LPCAT2: variants seen among roughly 807,000 people sequenced by gnomAD.
LPCAT2 encodes the protein lysophosphatidylcholine acyltransferase 2, also known as 1-AGP acyltransferase 11.
A neutral mutation model predicts 64.7 loss-of-function variants in LPCAT2; 58 were observed. The observed-to-expected ratio is 0.90, with a 90% CI of 0.73 to 1.12. The LOEUF (loss-of-function observed/expected upper bound fraction) is 1.12, where lower values mean the gene tolerates loss of function less well. Ranked by LOEUF, LPCAT2 falls within the 50% of genes most tolerant of loss-of-function variation. LPCAT2 has a pLI of 0.00. For missense variants in LPCAT2, 579 were observed against 669.8 expected (o/e 0.86, Z 1.50); for synonymous variants, 252 against 245.3 (o/e 1.03, Z -0.26).
At chr16:55,522,797 CA>C (rs1178505206) in intron 1 of LPCAT2, among the ~76,000 whole-genome samples, 2 of 150,764 alleles carry the variant, frequency 1.3e-5, no homozygotes, top group Non-Finnish European at 3.0e-5. Flanking sequence ...GCATACCACA[CA>C]AAAAAAGTCA....
intron 1 of LPCAT2, among the ~76,000 whole-genome samples, chr16:55,515,982 T>C (rs1963005017): frequency 6.6e-6 from 1 of 152,212 alleles, no homozygotes; most frequent in Non-Finnish European, 1.5e-5. Context: ...CAAAATGTCA[T>C]ATATAAATCC....
At chr16:55,518,604 T>G (rs1454128374) in intron 1 of LPCAT2, among the ~76,000 whole-genome samples, 2 of 152,186 alleles carry the variant, frequency 1.3e-5, no homozygotes, top group African/African-American at 2.4e-5. Context: ...GAAATAGAAT[T>G]GACAATACAG....
At chr16:55,529,102 A>G (rs1333183842) in intron 3 of LPCAT2, among the ~76,000 whole-genome samples, 6 of 152,188 alleles carry the variant, frequency 3.9e-5, no homozygotes, top group African/African-American at 1.4e-4. Context: ...ACTTCCTGCC[A>G]TGAAAAATAA....
chr16:55,509,285 TC>T lies in LPCAT2; in HGVS notation c.105del (p.Phe36SerfsTer40). On this transcript the variant is annotated frameshift_variant, in exon 1 of 14. Transcript: ENST00000262134. LOFTEE classifies it high-confidence loss of function. ...RPPMVPRQASFFPPPVPNPFV... is the reference protein window; with the variant it reads ...RPPMVPRQASXFPPPVPNPFV... ...CCCATGGTGCCCCGTCAGGCGTCCT[TC>T]TTCCCGCCGCCGGTGCCGAACCCCT... is the stretch of plus-strand genomic sequence containing the variant. 1 of 1,513,304 alleles carries T rather than the reference TC, an allele frequency of 6.6e-7. No homozygotes were observed. Among genetic ancestry groups the T allele is most frequent in the South Asian group, 1.2e-5 (1 of 80,612 alleles). 93.7% of individuals were successfully genotyped at this position (1,513,304 alleles called of 1,614,324 possible).
intron 11 of LPCAT2, among the ~76,000 whole-genome samples, chr16:55,563,003 AG>A (rs1268215003): frequency 5.3e-5 from 8 of 151,806 alleles, no homozygotes; most frequent in Non-Finnish European, 5.9e-5. Flanking sequence ...TATACTGTTG[AG>A]GGGGGAAAAA....
At chr16:55,569,314 C>T (rs3785162) in intron 11 of LPCAT2, among the ~76,000 whole-genome samples, 81,023 of 152,028 alleles carry the variant, frequency 0.53, 21,839 homozygotes, top group East Asian at 0.7. Flanking sequence ...TAACCTTGGT[C>T]TGGTGTGCTA....
At chr16:55,578,996 T>C (rs563897735) in intron 12 of LPCAT2, 113 bp from the exon 13 acceptor site, 3 of 951,230 alleles carry the variant, frequency 3.2e-6, no homozygotes, top group East Asian at 4.8e-5. Context: ...AATATACATA[T>C]TTCTAGCCCT....
chr16:55,519,270 G>C lies in LPCAT2; in HGVS notation c.172-6238G>C, dbSNP rs1002839301. Among the ~76,000 whole-genome samples, 67 of 152,136 alleles carry C rather than the reference G, an allele frequency of 4.4e-4. 1 individual carries two copies. Among genetic ancestry groups the C allele is most frequent in the Admixed American group, 5.9e-4 (9 of 15,290 alleles). ...AGTCCCGGCACTTTGGGAGGCCGAG[G>C]TGGGCGGATCACGGGGTCAGGACAT... On this transcript the variant is annotated intron_variant, in intron 1 of 13. Transcript: ENST00000262134.
intron 11 of LPCAT2, among the ~76,000 whole-genome samples, chr16:55,571,079 C>T (rs1185653208): frequency 3.3e-5 from 5 of 152,138 alleles, no homozygotes; most frequent in African/African-American, 1.2e-4. Context: ...AGTCCCTCTT[C>T]TTGGGAGTTT....
At chr16:55,551,629 C>G (rs1280367963) in intron 11 of LPCAT2, among the ~76,000 whole-genome samples, 1 of 152,114 alleles carries the variant, frequency 6.6e-6, no homozygotes, top group Non-Finnish European at 1.5e-5. Flanking sequence ...TAATTAAAAT[C>G]TGGCCATTTG....
chr16:55,510,601 A>G (rs530669410), intron 1 of LPCAT2, among the ~76,000 whole-genome samples: 93 of 152,314 alleles, frequency 6.1e-4, no homozygotes, highest in Middle Eastern at 6.8e-3. Context: ...GCTAAACAAC[A>G]CAGGTGGTGG....
chr16:55,515,225 T>G (rs1962993391), intron 1 of LPCAT2, among the ~76,000 whole-genome samples: 1 of 133,194 alleles, frequency 7.5e-6, no homozygotes, highest in African/African-American at 2.6e-5. Flanking sequence ...CTCTTAAGAA[T>G]AAACTCAAAG....
At position 55,585,019 on chromosome 16, in the gene LPCAT2, A is replaced by G. The variant is rs562489633; in HGVS notation, c.*1921A>G. On this transcript the variant is annotated 3_prime_UTR_variant, in exon 14 of 14. Transcript: ENST00000262134. ...ATCCTATTAATCATGAAAGCGTAGCATTGTAAATTAAAGGTTTTCTTTGAG... is the reference window on the plus strand; with the variant it reads ...ATCCTATTAATCATGAAAGCGTAGCGTTGTAAATTAAAGGTTTTCTTTGAG... The G allele has an allele frequency of 1.8e-4, 28 of 152,320 alleles. No homozygotes were observed. The highest frequency in any genetic ancestry group is 6.3e-4 in the African/African-American group (26 of 41,588). The allele number at this position is 152,320 out of a possible 1,614,324, so 9.4% of individuals were successfully genotyped here.
In LPCAT2 at chr16:55,532,848, T is replaced by C. The variant is rs769566702; in HGVS notation, c.728T>C (p.Val243Ala). ...KPGAFIPGVP[V>A]QPVLLRYPNK... ...GGAGCCTTCATTCCAGGAGTTCCAG[T>C]GCAGCCAGTCCTCCTCAGATACCCA... The change falls in exon 6 of 14, where the codon GTG (valine) becomes GCG (alanine). Residue 243 changes from valine to alanine, a missense_variant. Transcript: ENST00000262134. 6.2e-7 allele frequency: 1 copy of C among 1,612,088 alleles called. No individual in the cohort carries two copies. The highest frequency in any genetic ancestry group is 1.3e-5 in the African/African-American group (1 of 74,824).
intron 9 of LPCAT2, among the ~76,000 whole-genome samples, chr16:55,548,735 A>G (rs750947882): frequency 6.6e-6 from 1 of 152,140 alleles, no homozygotes; most frequent in African/African-American, 2.4e-5. Flanking sequence ...GCTGGTCTCA[A>G]ACTCCTGGCC....
chr16:55,527,509 A>G (rs1963188056), intron 2 of LPCAT2, among the ~76,000 whole-genome samples: 2 of 151,136 alleles, frequency 1.3e-5, no homozygotes, highest in Middle Eastern at 3.4e-3. Context: ...CTCTCATTAG[A>G]TACCTCCTGG....
intron 10 of LPCAT2, 136 bp from the exon 11 acceptor site, chr16:55,550,813 C>G: frequency 1.6e-6 from 1 of 615,184 alleles, no homozygotes; most frequent in Middle Eastern, 4.8e-4. Context: ...TTTTAAGTAC[C>G]TATTTTATTC....
chr16:55,550,648 G>A (rs1287733941), intron 10 of LPCAT2, among the ~76,000 whole-genome samples: 1 of 152,074 alleles, frequency 6.6e-6, no homozygotes, highest in Non-Finnish European at 1.5e-5. Context: ...GGGCGTGGTG[G>A]CTCACACCTA....
chr16:55,530,047 C>A, intron 4 of LPCAT2, 100 bp downstream of exon 4: 1 of 761,222 alleles, frequency 1.3e-6, no homozygotes, highest in Non-Finnish European at 2.1e-6. Context: ...TATCTGTGGA[C>A]ACCTATACTA....
Sources: gnomAD v4.1 joint callset for allele counts (sites outside exome capture counted in the v4.1 genomes callset) on GRCh38, gnomAD v4.1.1 for gene constraint, MANE v1.5 for transcripts, NCBI Gene and HGNC (gene_info 2026-07-23, HGNC 2026-07-21) for gene names.